STIM1: variants seen among roughly 807,000 people sequenced by gnomAD.
The protein encoded by STIM1 is stromal interaction molecule 1.
In STIM1, 25 loss-of-function variants were observed where a neutral mutation model predicts 74.7. The ratio of observed to expected loss-of-function variants is 0.33; its 90% CI spans 0.24 to 0.47. The LOEUF (loss-of-function observed/expected upper bound fraction) is 0.47. STIM1 is among the 20% of genes least tolerant of loss of function. The pLI is 1.00. For missense variants in STIM1, 728 were observed against 920.8 expected, an observed-to-expected ratio of 0.79 and a Z score of 2.71; for synonymous variants, 328 against 348.8, an observed-to-expected ratio of 0.94 and a Z score of 0.66.
At chr11:3,926,883 C>G (rs181867803) in intron 1 of STIM1, among the ~76,000 whole-genome samples, 26 of 152,340 alleles carry the variant, frequency 1.7e-4, no homozygotes, top group African/African-American at 6.3e-4. Context: ...AGGGAGTTGA[C>G]AGATGCTTAA....
chr11:3,949,212 C>G (rs1189665592), intron 1 of STIM1, among the ~76,000 whole-genome samples: 1 of 152,124 alleles, frequency 6.6e-6, no homozygotes, highest in Admixed American at 6.5e-5. Context: ...TTAGAAAAAG[C>G]CTGAGTAGAA....
chr11:4,042,800 A>C (rs1332908062), intron 3 of STIM1, among the ~76,000 whole-genome samples: 4 of 151,990 alleles, frequency 2.6e-5, no homozygotes, highest in African/African-American at 9.7e-5. Flanking sequence ...CTTAATATCT[A>C]CCCCTTTTTG....
At chr11:3,967,404 A>T in intron 1 of STIM1, 148 bp from the exon 2 acceptor site, 1 of 1,141,536 alleles carries the variant, frequency 8.8e-7, no homozygotes, top group Non-Finnish European at 1.3e-6. Flanking sequence ...GTTACAGTCT[A>T]GATGAAACAC....
intron 2 of STIM1, among the ~76,000 whole-genome samples, chr11:4,022,258 C>T (rs552415545): frequency 6.6e-6 from 1 of 150,418 alleles, no homozygotes; most frequent in African/African-American, 2.4e-5. Context: ...TCTCTTGAGG[C>T]CCAGGAGGTG....
chr11:4,015,796 C>T (rs559292541), intron 2 of STIM1, among the ~76,000 whole-genome samples: 38 of 152,172 alleles, frequency 2.5e-4, no homozygotes, highest in Middle Eastern at 6.8e-3. Flanking sequence ...TTAATTTGAT[C>T]TTCAATCACT....
At chr11:3,995,807 G>T (rs907398070) in intron 2 of STIM1, among the ~76,000 whole-genome samples, 3 of 126,460 alleles carry the variant, frequency 2.4e-5, no homozygotes, top group African/African-American at 7.8e-5. Flanking sequence ...ACTACACCTG[G>T]CTTCTTTTTT....
chr11:4,033,682 G>A (rs1042874046), intron 3 of STIM1, among the ~76,000 whole-genome samples: 39 of 151,202 alleles, frequency 2.6e-4, no homozygotes, highest in African/African-American at 9.5e-4. Flanking sequence ...TGCAAGCTCC[G>A]CCTCCTGGGT....
intron 3 of STIM1, among the ~76,000 whole-genome samples, chr11:4,031,577 C>G (rs376413813): frequency 6.6e-6 from 1 of 152,102 alleles, no homozygotes; most frequent in African/African-American, 2.4e-5. Context: ...TAATTTTAGC[C>G]ATTCTGATAG....
At chr11:3,910,842 C>T (rs1214253942) in intron 1 of STIM1, among the ~76,000 whole-genome samples, 12 of 150,778 alleles carry the variant, frequency 8.0e-5, no homozygotes, top group African/African-American at 1.2e-4. Flanking sequence ...AAAAAATATC[C>T]GGGCGTGGTG....
chr11:3,979,778 C>T (rs2959058), intron 2 of STIM1, among the ~76,000 whole-genome samples: 115,579 of 152,050 alleles, frequency 0.76, 45,020 homozygotes, highest in East Asian at 0.9. Flanking sequence ...CCTACCGCTT[C>T]GGTCTGGCTC....
intron 1 of STIM1, among the ~76,000 whole-genome samples, chr11:3,908,473 G>C (rs753820528): frequency 6.6e-6 from 1 of 152,076 alleles, no homozygotes; most frequent in Non-Finnish European, 1.5e-5. Context: ...TTAGCTGGGC[G>C]TGGTGGCGGG....
chr11:4,012,958 C>T (rs1440860002), intron 2 of STIM1, among the ~76,000 whole-genome samples: 1 of 152,094 alleles, frequency 6.6e-6, no homozygotes, highest in African/African-American at 2.4e-5. Flanking sequence ...TTGTCAAAGG[C>T]CTTTTCTGCA....
intron 2 of STIM1, among the ~76,000 whole-genome samples, chr11:3,981,281 T>C (rs1266438730): frequency 1.3e-5 from 2 of 152,236 alleles, no homozygotes; most frequent in Non-Finnish European, 2.9e-5. Context: ...CTTTCTCATG[T>C]TCGAGAGTAC....
At position 4,059,027 on chromosome 11, in the gene STIM1, C is replaced by T. The variant is rs1040488751; in HGVS notation, c.498-254C>T. The T allele has an allele frequency of 9.4e-5, 92 of 982,134 alleles. No homozygotes were observed. The East Asian group carries it at 3.2e-3, about 34-fold the overall frequency. 60.8% of individuals were successfully genotyped at this position (982,134 alleles called of 1,614,324 possible). On this transcript the variant is annotated intron_variant, in intron 4 of 12. Coordinates refer to ENST00000526596, the MANE Select transcript of STIM1 (RefSeq NM_001382567.1). ...AGTTGGGTGTGGGAATGGTCACAGA[C>T]AGGTAATCCTTAGAGGATAGGGTGC... is the stretch of plus-strand genomic sequence containing the variant.
chr11:3,975,043 G>C (rs1010088567), intron 2 of STIM1, among the ~76,000 whole-genome samples: 4 of 152,134 alleles, frequency 2.6e-5, no homozygotes, highest in Non-Finnish European at 4.4e-5. Flanking sequence ...CTATTCGAAG[G>C]CTAGGGATTC....
chr11:4,023,011 C>T (rs1446658593), intron 2 of STIM1, among the ~76,000 whole-genome samples: 1 of 152,182 alleles, frequency 6.6e-6, no homozygotes, highest in Non-Finnish European at 1.5e-5. Flanking sequence ...GGAGGATTAT[C>T]AAACAATTTG....
chr11:3,919,007 C>A (rs1433343723), intron 1 of STIM1, among the ~76,000 whole-genome samples: 3 of 152,136 alleles, frequency 2.0e-5, no homozygotes, highest in Non-Finnish European at 4.4e-5. Context: ...GTCTATAGAG[C>A]ATAATTTGAA....
intron 3 of STIM1, among the ~76,000 whole-genome samples, chr11:4,049,014 G>C (rs1013100663): frequency 6.6e-6 from 1 of 152,192 alleles, no homozygotes; most frequent in African/African-American, 2.4e-5. Context: ...GATTACAGGC[G>C]TAAGCCACTG....
At position 4,074,658 on chromosome 11, in the gene STIM1, T is replaced by C; in HGVS notation, c.948T>C (p.Tyr316=). ...GTENERSRQK[Y]AEEELEQVRE... ...AGAATGAGCGGAGCCGCCAAAAATA[T>C]GCTGAGGAGGAGTTGGAGCAGGTAG... Residue 316 remains tyrosine, a synonymous_variant, in exon 7 of 13, where the codon TAT becomes TAC. Transcript: ENST00000526596. The C allele has an allele frequency of 1.9e-6, 3 of 1,568,332 alleles. No individual in the cohort carries two copies. The South Asian group carries it at 3.5e-5, about 18-fold the overall frequency.
Sources: gnomAD v4.1 joint callset for allele counts (sites outside exome capture counted in the v4.1 genomes callset) on GRCh38, gnomAD v4.1.1 for gene constraint, MANE v1.5 for transcripts, NCBI Gene and HGNC (gene_info 2026-07-23, HGNC 2026-07-21) for gene names.